The following ITGB8 variants were observed in gnomAD, a reference collection of about 807,000 sequenced individuals.
ITGB8 encodes integrin beta-8.
In ITGB8, 30 loss-of-function variants were observed where a neutral mutation model predicts 89.5. The ratio of observed to expected loss-of-function variants is 0.34; its 90% CI spans 0.25 to 0.45. The LOEUF is 0.45. ITGB8 is among the 20% of genes least tolerant of loss of function. ITGB8 has a pLI of 1.00. For synonymous variants in ITGB8, 335 were observed against 320.4 expected (o/e 1.05, Z -0.49); for missense variants, 836 against 933.3 (o/e 0.90, Z 1.36).
At position 20,404,822 on chromosome 7, in the gene ITGB8, C is replaced by T. The variant is rs766815527; in HGVS notation, c.1882C>T (p.Pro628Ser). Residue 628 changes from proline to serine, a missense_variant, in exon 11 of 14, where the codon CCC becomes TCC. By Grantham distance (74) the Pro-to-Ser change is moderately conservative. Around this residue, in one of 5 missense-constraint regions of ITGB8, gnomAD observed 422 missense variants for 416.9 expected, o/e 1.01. Transcript: ENST00000222573. The stretch of plus-strand genomic sequence containing the variant: ...CATCGGCCGCTTCTGTGAACACTGC[C>T]CCACCTGTTATACAGCCTGCAAGGA... The part of the protein sequence containing the change: ...RSIGRFCEHC[P>S]TCYTACKENW... 3 of 1,614,030 alleles carry T rather than the reference C, an allele frequency of 1.9e-6. No individual in the cohort carries two copies. The highest frequency in any genetic ancestry group is 2.2e-5 in the East Asian group (1 of 44,902).
chr7:20,391,000 T>C (rs553609890), intron 6 of ITGB8, among the ~76,000 whole-genome samples: 1 of 152,132 alleles, frequency 6.6e-6, no homozygotes, highest in Admixed American at 6.5e-5. Context: ...CATATACATA[T>C]ACATGCATAC....
At chr7:20,398,274 A>T (rs1381756066) in intron 8 of ITGB8, among the ~76,000 whole-genome samples, 3 of 152,224 alleles carry the variant, frequency 2.0e-5, no homozygotes, top group African/African-American at 7.2e-5. Flanking sequence ...AAAAATTCTA[A>T]GCCATTCTTG....
In ITGB8 at chr7:20,404,611, C is replaced by T. The variant is rs781769785; in HGVS notation, c.1688-17C>T. 21 of 1,599,544 alleles carry T rather than the reference C, an allele frequency of 1.3e-5. No homozygotes were observed. In the South Asian group the frequency reaches 1.3e-4, roughly 10 times the overall value. On this transcript the variant is annotated splice_polypyrimidine_tract_variant and intron_variant, in intron 10 of 13. Coordinates refer to ENST00000222573, the MANE Select transcript of ITGB8 (RefSeq NM_002214.3). ...AGTGATCCAGATAACATAGGTCCTG[C>T]GGTGTCTTCCTCACAGGGCATGGAG... is the stretch of plus-strand genomic sequence containing the variant.
chr7:20,352,929 T>C (rs1038392992), intron 1 of ITGB8: 2 of 152,204 alleles, frequency 1.3e-5, no homozygotes, highest in Non-Finnish European at 2.9e-5. Flanking sequence ...CAATGCAAAG[T>C]TGATTATGAT....
At chr7:20,332,807 T>C (rs576410175) in intron 1 of ITGB8, among the ~76,000 whole-genome samples, 2 of 152,362 alleles carry the variant, frequency 1.3e-5, no homozygotes, top group Admixed American at 6.5e-5. Context: ...GATTGGATTG[T>C]TGGAAAATTA....
chr7:20,401,974 A>C lies in ITGB8; in HGVS notation c.1535A>C (p.Lys512Thr). The C allele has an allele frequency of 6.2e-7, 1 of 1,614,210 alleles. No individual in the cohort carries two copies. Among genetic ancestry groups the C allele is most frequent in the Non-Finnish European group, 8.5e-7 (1 of 1,180,020 alleles). Reference protein sequence around the residue: ...DEDQFSSESCKSHKDQPVCSG... With the variant: ...DEDQFSSESCTSHKDQPVCSG... ...GATCAGTTTTCTTCTGAGAGTTGCA[A>C]GTCACACAAGGATCAGCCTGTTTGC... The change falls in exon 10 of 14, where the codon AAG becomes ACG. Residue 512 changes from lysine to threonine, a missense_variant. Physicochemically the swap from Lys to Thr is moderately conservative, Grantham distance 78 (BLOSUM62 -1). Transcript: ENST00000222573.
intron 1 of ITGB8, among the ~76,000 whole-genome samples, chr7:20,343,081 G>A (rs1402074135): frequency 6.6e-6 from 1 of 152,176 alleles, no homozygotes; most frequent in Non-Finnish European, 1.5e-5. Flanking sequence ...GGGGTTAAAT[G>A]TTAGAAGACA....
In ITGB8 at chr7:20,363,739, TTTC is replaced by T; in HGVS notation, c.213+20_213+22del. On this transcript the variant is annotated intron_variant, in intron 2 of 13. Coordinates refer to ENST00000222573, the MANE Select transcript of ITGB8 (RefSeq NM_002214.3). ...GTTCAAGAGGTGTGCCATTTTTTTTTTTCTTTTTCTCATGGTTGACTTGAGCTA... is the reference window on the plus strand; with the variant it reads ...GTTCAAGAGGTGTGCCATTTTTTTTTTTTTTCTCATGGTTGACTTGAGCTA... 2.6e-6 allele frequency: 4 copies of T among 1,530,112 alleles called. No individual in the cohort carries two copies. In the African/African-American group the frequency reaches 5.6e-5, roughly 21 times the overall value. The allele number at this position is 1,530,112 out of a possible 1,614,324, so 94.8% of individuals were successfully genotyped here.
chr7:20,369,546 A>C (rs549723465), intron 3 of ITGB8, among the ~76,000 whole-genome samples: 46 of 152,226 alleles, frequency 3.0e-4, no homozygotes, highest in Middle Eastern at 6.8e-3. Flanking sequence ...CCTCATCTAA[A>C]CCTAATCATA....
chr7:20,399,858 G>C (rs375930987), intron 9 of ITGB8, among the ~76,000 whole-genome samples: 3 of 152,182 alleles, frequency 2.0e-5, no homozygotes, highest in East Asian at 1.9e-4. Context: ...TAGAAAAAAA[G>C]AAAAAGTTAT....
intron 8 of ITGB8, among the ~76,000 whole-genome samples, chr7:20,395,362 A>G (rs1336781351): frequency 6.6e-6 from 1 of 152,230 alleles, no homozygotes; most frequent in African/African-American, 2.4e-5. Flanking sequence ...GTAAGGCAAT[A>G]ATCTGCCAGG....
chr7:20,344,142 T>C (rs764654552), intron 1 of ITGB8, among the ~76,000 whole-genome samples: 41 of 151,938 alleles, frequency 2.7e-4, no homozygotes, highest in Non-Finnish European at 3.7e-4. Flanking sequence ...CAATACGAGA[T>C]AGTGCTGTGG....
At position 20,331,731 on chromosome 7, in the gene ITGB8, G is replaced by C; in HGVS notation, c.-76G>C. The C allele has an allele frequency of 1.3e-6, 2 of 1,492,918 alleles. No individual in the cohort carries two copies. Among genetic ancestry groups the C allele is most frequent in the Non-Finnish European group, 1.8e-6 (2 of 1,119,336 alleles). The allele number at this position is 1,492,918 out of a possible 1,614,324, so 92.5% of individuals were successfully genotyped here. The stretch of plus-strand genomic sequence containing the variant: ...TAGCGACACTCGGCCCGCGGGCCCC[G>C]AGGTGCGCCCGGGAGGCGCGAGCCC... On this transcript the variant is annotated 5_prime_UTR_variant, in exon 1 of 14. Coordinates refer to ENST00000222573, the MANE Select transcript of ITGB8 (RefSeq NM_002214.3).
rs753824739 is a variant in ITGB8 at position 20,410,019 on chromosome 7, A to T, written c.*22A>T. ...CTAAAAAAAGATTTTTAAACACTTAATGGGAAACTGGAATTGTTAATAATT... is the reference window on the plus strand; with the variant it reads ...CTAAAAAAAGATTTTTAAACACTTATTGGGAAACTGGAATTGTTAATAATT... On this transcript the variant is annotated 3_prime_UTR_variant, in exon 14 of 14. Coordinates refer to ENST00000222573, the MANE Select transcript of ITGB8 (RefSeq NM_002214.3). 7.3e-5 allele frequency: 117 copies of T among 1,596,822 alleles called. No homozygotes were observed. The highest frequency in any genetic ancestry group is 9.3e-5 in the Non-Finnish European group (109 of 1,172,820).
intron 3 of ITGB8, among the ~76,000 whole-genome samples, chr7:20,370,520 A>C (rs556003076): frequency 1.3e-4 from 19 of 151,248 alleles, no homozygotes; most frequent in African/African-American, 3.9e-4. Context: ...GAAATGTTTC[A>C]TGTTCATTCA....
intron 1 of ITGB8, chr7:20,352,799 G>C (rs1785155251): frequency 6.6e-6 from 1 of 152,190 alleles, no homozygotes; most frequent in Admixed American, 6.5e-5. Context: ...TTCCTGAGGA[G>C]TTTCAGTTTA....
chr7:20,406,875 T>C (rs1489371683), intron 12 of ITGB8, among the ~76,000 whole-genome samples: 3 of 152,224 alleles, frequency 2.0e-5, no homozygotes, highest in Non-Finnish European at 2.9e-5. Context: ...TCATTCATCC[T>C]TAAGCTATAT....
At chr7:20,372,916 G>A (rs1785992186) in intron 3 of ITGB8, among the ~76,000 whole-genome samples, 1 of 152,064 alleles carries the variant, frequency 6.6e-6, no homozygotes, top group Non-Finnish European at 1.5e-5. Context: ...ATCCGTCTTA[G>A]GGCATAATAT....
In ITGB8 at chr7:20,386,405, ATTTTTTTTT is replaced by A. The variant is rs759304002; in HGVS notation, c.960+4537_960+4545del. ...AGGCGCGTGCCACCACACCTGGCTA[ATTTTTTTTT>A]TTTTTTTTTTTTTTTTGGATTTTTT... On this transcript the variant is annotated intron_variant, in intron 6 of 13. Transcript: ENST00000222573. Among the ~76,000 whole-genome samples the A allele has an allele frequency of 1.0e-4, 8 of 80,356 alleles. No individual in the cohort carries two copies. The East Asian group carries it at 2.0e-3, about 20-fold the overall frequency. 52.7% of individuals were successfully genotyped at this position (80,356 alleles called of 152,430 possible).
Sources: gnomAD v4.1 joint callset for allele counts (sites outside exome capture counted in the v4.1 genomes callset) on GRCh38, gnomAD v4.1.1 for gene constraint, gnomAD v4.1.1 regional missense constraint, MANE v1.5 for transcripts, NCBI Gene and HGNC (gene_info 2026-07-23, HGNC 2026-07-21) for gene names.